Variants in WDFY4 observed in about 807,000 individuals in gnomAD.
The protein encoded by WDFY4 is WD repeat- and FYVE domain-containing protein 4.
Under a neutral mutation model 351.9 loss-of-function variants are expected in WDFY4, and 169 were observed. The ratio of observed to expected loss-of-function variants is 0.48; its 90% confidence interval spans 0.42 to 0.55. The LOEUF (loss-of-function observed/expected upper bound fraction) is 0.55, where lower values mean the gene tolerates loss of function less well. WDFY4 is among the 20% of genes least tolerant of loss of function. The pLI, the probability that WDFY4 is intolerant of heterozygous loss-of-function variation, is 0.00. For synonymous variants in WDFY4, 1,622 were observed against 1,574.6 expected (o/e 1.03, Z -0.71); for missense variants, 3,803 against 3,935.6 (o/e 0.97, Z 0.90).
chr10:48,828,284 G>A (rs1232991227), intron 36 of WDFY4, among the ~76,000 whole-genome samples: 2 of 152,140 alleles, frequency 1.3e-5, no homozygotes, highest in Admixed American at 6.5e-5. Flanking sequence ...AAAATGCTAG[G>A]CTTGTGTCCA....
chr10:48,790,578 C>T (rs2066644137), intron 22 of WDFY4, 149 bp from the exon 23 acceptor site: 2 of 837,686 alleles, frequency 2.4e-6, no homozygotes, highest in Non-Finnish European at 1.8e-6. Context: ...TCCTGCTCTT[C>T]CCCCCAGCCT....
intron 19 of WDFY4, among the ~76,000 whole-genome samples, chr10:48,784,481 C>T (rs565632458): frequency 6.9e-6 from 1 of 144,938 alleles, no homozygotes; most frequent in Admixed American, 7.1e-5. Flanking sequence ...ATATTCTCCT[C>T]AGTGATGTCC....
intron 11 of WDFY4, among the ~76,000 whole-genome samples, chr10:48,740,065 A>G (rs1194115875): frequency 2.0e-5 from 3 of 152,176 alleles, no homozygotes; most frequent in Non-Finnish European, 4.4e-5. Context: ...GTCGTGTGTT[A>G]TGTGACTAAC....
intron 47 of WDFY4, among the ~76,000 whole-genome samples, chr10:48,927,374 T>TG (rs1440958655): frequency 6.6e-6 from 1 of 151,932 alleles, no homozygotes; most frequent in Non-Finnish European, 1.5e-5. Flanking sequence ...TTGTGGGTGG[T>TG]GGGGGGAGGG....
intron 40 of WDFY4, among the ~76,000 whole-genome samples, chr10:48,869,119 G>T (rs2069661508): frequency 1.3e-5 from 2 of 152,068 alleles, no homozygotes; most frequent in South Asian, 4.2e-4. Flanking sequence ...AAAGAATGAA[G>T]ATATAATAAC....
At chr10:48,920,791 A>C (rs1294888852) in intron 47 of WDFY4, among the ~76,000 whole-genome samples, 1 of 152,250 alleles carries the variant, frequency 6.6e-6, no homozygotes, top group African/African-American at 2.4e-5. Flanking sequence ...CTTGGAACTA[A>C]TAAGTGAGTT....
intron 41 of WDFY4, among the ~76,000 whole-genome samples, chr10:48,874,101 C>T (rs964269513): frequency 6.6e-6 from 1 of 152,212 alleles, no homozygotes; most frequent in Admixed American, 6.5e-5. Context: ...GTAACCCATA[C>T]TGCTATAAGC....
intron 11 of WDFY4, among the ~76,000 whole-genome samples, chr10:48,741,923 A>G (rs1205777325): frequency 6.6e-6 from 1 of 152,186 alleles, no homozygotes. Context: ...GTCCAATGCA[A>G]TTTATCTGAT....
chr10:48,965,948 C>T (rs932375508), intron 54 of WDFY4, among the ~76,000 whole-genome samples: 1 of 152,062 alleles, frequency 6.6e-6, no homozygotes, highest in South Asian at 2.1e-4. Flanking sequence ...ATGCTCAGGG[C>T]TTGGCTTGGT....
At chr10:48,921,525 A>G (rs1245348508) in intron 47 of WDFY4, among the ~76,000 whole-genome samples, 1 of 152,232 alleles carries the variant, frequency 6.6e-6, no homozygotes, top group African/African-American at 2.4e-5. Flanking sequence ...GAAGGAGAAA[A>G]TCTTCATGAC....
Position 48,800,730 on chromosome 10 carries a change from CTTT to C in WDFY4, c.4411-2543_4411-2541del, listed in dbSNP as rs57288777. Among the ~76,000 whole-genome samples the C allele has an allele frequency of 3.2e-5, 3 of 92,792 alleles. No individual in the cohort carries two copies. In the East Asian group the frequency reaches 9.3e-4, roughly 29 times the overall value. The allele number at this position is 92,792 out of a possible 152,430, so 60.9% of individuals were successfully genotyped here. On this transcript the variant is annotated intron_variant, in intron 24 of 61. Transcript: ENST00000325239. ...TCTTTCTTTCTTTCTTTCATTCTTT[CTTT>C]TTTTTTTTTTTTGTTTTGAGATGAG...
At position 48,982,570 on chromosome 10, in the gene WDFY4, G is replaced by A; in HGVS notation, c.9550G>A (p.Gly3184Arg). The change falls in exon 62 of 62, where the codon GGG (glycine) becomes AGG (arginine). Residue 3184 changes from glycine to arginine, a missense_variant. Around this residue, in one of 3 missense-constraint regions of WDFY4, gnomAD observed 3,054 missense variants for 3,148.6 expected, o/e 0.97. Transcript: ENST00000325239. Reference sequence around the variant, plus strand: ...GAGAATATTCTGCTGGTCTGCAGATGGGTAGGAAGAGAGAGGCAGCAGAGG... The same window carrying A: ...GAGAATATTCTGCTGGTCTGCAGATAGGTAGGAAGAGAGAGGCAGCAGAGG... ...RGRIFCWSAD[G>R] The A allele has an allele frequency of 6.5e-7, 1 of 1,548,690 alleles. No homozygotes were observed. The highest frequency in any genetic ancestry group is 1.7e-4 in the Middle Eastern group (1 of 5,972).
intron 51 of WDFY4, among the ~76,000 whole-genome samples, chr10:48,949,218 T>C (rs974359129): frequency 6.6e-6 from 1 of 152,260 alleles, no homozygotes; most frequent in African/African-American, 2.4e-5. Flanking sequence ...CTGGGCTGTC[T>C]CTACATGCTT....
chr10:48,850,384 T>C (rs2068917925), intron 39 of WDFY4, among the ~76,000 whole-genome samples: 1 of 152,256 alleles, frequency 6.6e-6, no homozygotes, highest in Non-Finnish European at 1.5e-5. Flanking sequence ...ATTTATTTTG[T>C]AATTTGGGCT....
At chr10:48,966,091 C>T (rs1034869539) in intron 54 of WDFY4, among the ~76,000 whole-genome samples, 4 of 152,128 alleles carry the variant, frequency 2.6e-5, no homozygotes, top group African/African-American at 9.7e-5. Context: ...TGTGTTGATG[C>T]TTAATGAGCC....
chr10:48,821,283 T>A (rs2067814914), intron 34 of WDFY4, 107 bp downstream of exon 34: 1 of 867,274 alleles, frequency 1.2e-6, no homozygotes, highest in Non-Finnish European at 1.8e-6. Context: ...GGATGCTGCC[T>A]CCACCTGGCG....
At position 48,721,103 on chromosome 10, in the gene WDFY4, G is replaced by A. The variant is rs547839955; in HGVS notation, c.350-158G>A. On this transcript the variant is annotated intron_variant, in intron 3 of 61. Coordinates refer to ENST00000325239, the MANE Select transcript of WDFY4 (RefSeq NM_001394531.1). Reference sequence around the variant, plus strand: ...AGATTAGTCTGGCAGGGTGTGGAGCGTTTGGTAGAGATGCAGGTGGCCTTG... The same window carrying A: ...AGATTAGTCTGGCAGGGTGTGGAGCATTTGGTAGAGATGCAGGTGGCCTTG... 6.6e-5 allele frequency among the ~76,000 whole-genome samples: 10 copies of A among 152,134 alleles called. No homozygotes were observed. In the East Asian group the frequency reaches 7.7e-4, roughly 12 times the overall value.
chr10:48,697,402 G>T (rs1399635488), intron 1 of WDFY4, among the ~76,000 whole-genome samples: 1 of 152,210 alleles, frequency 6.6e-6, no homozygotes, highest in Admixed American at 6.5e-5. Context: ...AATCACCTTA[G>T]ACCTTGTAGC....
At chr10:48,948,495 A>G (rs1457584121) in intron 51 of WDFY4, among the ~76,000 whole-genome samples, 1 of 152,158 alleles carries the variant, frequency 6.6e-6, no homozygotes, top group Non-Finnish European at 1.5e-5. Flanking sequence ...CCCCTTCAGG[A>G]GGCTGCATTA....
Sources: gnomAD v4.1 joint callset for allele counts (sites outside exome capture counted in the v4.1 genomes callset) on GRCh38, gnomAD v4.1.1 for gene constraint, gnomAD v4.1.1 regional missense constraint, MANE v1.5 for transcripts, NCBI Gene and HGNC (gene_info 2026-07-23, HGNC 2026-07-21) for gene names.